NONO: variants seen among roughly 807,000 people sequenced by gnomAD.
NONO encodes non-POU domain containing octamer binding, also known as non-POU domain-containing octamer-binding protein.
Under a neutral mutation model 40.2 loss-of-function variants are expected in NONO, and 6 were observed. That is an observed-to-expected ratio of 0.15 (90% CI 0.08 to 0.29). The LOEUF (loss-of-function observed/expected upper bound fraction) is 0.29, where lower values mean the gene tolerates loss of function less well. NONO is among the 10% of genes least tolerant of loss of function. The pLI is 1.00. For missense variants in NONO, 133 were observed against 397.8 expected, an observed-to-expected ratio of 0.33 and a Z score of 5.66; for synonymous variants, 89 against 123.3, an observed-to-expected ratio of 0.72 and a Z score of 1.85.
At chrX:71,287,312 C>A (rs1340438125) in intron 2 of NONO, among the ~76,000 whole-genome samples, 3 of 110,980 alleles carry the variant, frequency 2.7e-5, no homozygotes, top group African/African-American at 9.9e-5. Context: ...AACTCCTGAC[C>A]TCAAGCAATC....
intron 4 of NONO, among the ~76,000 whole-genome samples, chrX:71,293,589 A>G (rs1475088046): frequency 9.1e-6 from 1 of 109,699 alleles, no homozygotes. Context: ...TCTCGAAAAA[A>G]AAAACTAAAA....
Position 71,290,614 on chromosome X carries a change from A to G in NONO, c.-9-15A>G, listed in dbSNP as rs746580281. 19 of 1,190,188 alleles carry G rather than the reference A, an allele frequency of 1.6e-5. No individual in the cohort carries two copies. The highest frequency in any genetic ancestry group is 2.0e-5 in the Non-Finnish European group (18 of 879,266). On this transcript the variant is annotated splice_polypyrimidine_tract_variant and intron_variant, in intron 2 of 11. Transcript: ENST00000276079. The stretch of plus-strand genomic sequence containing the variant: ...TAGTACTGAATTTATTTATTAGTCT[A>G]CTTTTTCTTTGTAGGGTGCAAAAAT...
At chrX:71,298,311 A>T (rs2031497441) in intron 9 of NONO, 158 bp from the exon 10 acceptor site, 6 of 517,267 alleles carry the variant, frequency 1.2e-5, no homozygotes, top group Non-Finnish European at 1.7e-5. Context: ...GTGACCTTGA[A>T]TTTGTTGCAC....
At chrX:71,287,007 G>A (rs1236709987) in intron 2 of NONO, among the ~76,000 whole-genome samples, 1 of 112,030 alleles carries the variant, frequency 8.9e-6, no homozygotes, top group Non-Finnish European at 1.9e-5. Flanking sequence ...AAGTATTCCC[G>A]TATACTCATC....
At chrX:71,286,384 GTC>G (rs1383933118) in intron 2 of NONO, among the ~76,000 whole-genome samples, 1 of 110,866 alleles carries the variant, frequency 9.0e-6, no homozygotes, top group Non-Finnish European at 1.9e-5. Flanking sequence ...TATATATATT[GTC>G]TCTCACTAGA....
chrX:71,298,606 A>G, intron 10 of NONO, 98 bp downstream of exon 10: 2 of 1,051,258 alleles, frequency 1.9e-6, no homozygotes, highest in South Asian at 1.9e-5. Flanking sequence ...GGTGACATAT[A>G]TGTCTTACTT....
At position 71,300,765 on chromosome X, in the gene NONO, C is replaced by T. The variant is rs12835817; in HGVS notation, c.*689C>T. 1 of 173,790 alleles carries T rather than the reference C, an allele frequency of 5.8e-6. No homozygotes were observed. The highest frequency in any genetic ancestry group is 1.1e-5 in the Non-Finnish European group (1 of 90,238). 14.3% of individuals were successfully genotyped at this position (173,790 alleles called of 1,213,427 possible). A position where few individuals can be genotyped will look rare whatever the true frequency, so the allele number is the denominator to read the frequency against. On this transcript the variant is annotated 3_prime_UTR_variant, in exon 12 of 12. Transcript: ENST00000276079. ...AAACGTCCACAAAGGTCACAGGCAG[C>T]GTACATACGGTTCTGTTATACCCCA...
In NONO at chrX:71,299,274, C is replaced by CGAG. The variant is rs1188386701; in HGVS notation, c.1281+458_1281+459insGAG. ...CAGATAATCTGCCCGCCTCGGTTTC[C>CGAG]CAAAGTGCTGGGATTACTGGCGTGA... On this transcript the variant is annotated intron_variant, in intron 11 of 11. Transcript: ENST00000276079. Among the ~76,000 whole-genome samples the CGAG allele has an allele frequency of 2.0e-3, 226 of 112,642 alleles. 4 individuals carry two copies. Among genetic ancestry groups the CGAG allele is most frequent in the Admixed American group, 0.017 (176 of 10,602 alleles).
chrX:71,294,575 T>A, intron 5 of NONO, 47 bp downstream of exon 5: 1 of 1,110,196 alleles, frequency 9.0e-7, no homozygotes, highest in Non-Finnish European at 1.2e-6. Context: ...TGCTAATTCC[T>A]TCCATGGTCT....
rs1447519220 is a variant in NONO, at chrX:71,288,140, T to TC, written c.-9-2488dup. On this transcript the variant is annotated intron_variant, in intron 2 of 11. Transcript: ENST00000276079. The stretch of plus-strand genomic sequence containing the variant: ...TTATCTTTTTTTTTTTTTTTTTTTT[T>TC]CTTGAGACAGGGTCTCATTCTCCCT... Among the ~76,000 whole-genome samples, 22 of 98,606 alleles carry TC rather than the reference T, an allele frequency of 2.2e-4. No individual in the cohort carries two copies. The South Asian group carries it at 9.4e-3, about 42-fold the overall frequency. 85.6% of individuals were successfully genotyped at this position (98,606 alleles called of 115,157 possible).
chrX:71,290,808 T>C lies in NONO; in HGVS notation c.154+17T>C. ...GCAGCCAAAGTGTGTATATGCTAGG[T>C]GATGGAGTAGAAATGGATTCCCTCT... On this transcript the variant is annotated intron_variant, in intron 3 of 11. Coordinates refer to ENST00000276079, the MANE Select transcript of NONO (RefSeq NM_007363.5). The C allele has an allele frequency of 8.9e-7, 1 of 1,119,851 alleles. No homozygotes were observed. Among genetic ancestry groups the C allele is most frequent in the Non-Finnish European group, 1.2e-6 (1 of 850,672 alleles). 92.3% of individuals were successfully genotyped at this position (1,119,851 alleles called of 1,213,427 possible). A position where few individuals can be genotyped will look rare whatever the true frequency, so the allele number is the denominator to read the frequency against.
At chrX:71,293,489 A>G (rs971042967) in intron 4 of NONO, among the ~76,000 whole-genome samples, 12 of 108,916 alleles carry the variant, frequency 1.1e-4, no homozygotes, top group Admixed American at 6.8e-4. Context: ...AGGCTGAGGC[A>G]GGAGAATCGC....
At position 71,291,761 on chromosome X, in the gene NONO, C is replaced by T; in HGVS notation, c.155-18C>T. The T allele has an allele frequency of 8.8e-7, 1 of 1,139,560 alleles. No individual in the cohort carries two copies. The allele number at this position is 1,139,560 out of a possible 1,213,427, so 93.9% of individuals were successfully genotyped here. On this transcript the variant is annotated intron_variant, in intron 3 of 11. Transcript: ENST00000276079. ...TCTATTTCCCCAGTCTTTTAAGTGA[C>T]TGTGTGTCTTCTCTCAGATGAAGGC...
chrX:71,285,179 G>C (rs1408909783), intron 2 of NONO: 2 of 112,133 alleles, frequency 1.8e-5, no homozygotes, highest in African/African-American at 6.5e-5. Flanking sequence ...GGCCTCTCCG[G>C]GGCCAGGGGA....
Position 71,297,866 on chromosome X carries a change from A to G in NONO, c.1059A>G (p.Glu353=). 1 of 1,209,453 alleles carries G rather than the reference A, an allele frequency of 8.3e-7. No individual in the cohort carries two copies. The highest frequency in any genetic ancestry group is 1.1e-6 in the Non-Finnish European group (1 of 893,885). ...RQEEERRRRE[E]EMRRQQEEMM... is the part of the protein sequence containing the mutation. Reference sequence around the variant, plus strand: ...AGGAAGAGCGCAGGCGCCGTGAAGAAGAGATGCGGCGGCAGCAAGAAGAAA... The same window carrying G: ...AGGAAGAGCGCAGGCGCCGTGAAGAGGAGATGCGGCGGCAGCAAGAAGAAA... Residue 353 remains glutamate, a synonymous_variant, in exon 9 of 12, where the codon GAA becomes GAG. Transcript: ENST00000276079.
intron 5 of NONO, among the ~76,000 whole-genome samples, chrX:71,294,955 C>G (rs1399611950): frequency 9.0e-6 from 1 of 111,371 alleles, no homozygotes; most frequent in African/African-American, 3.3e-5. Flanking sequence ...CAGCGGCTCA[C>G]GCCTGTAATC....
intron 4 of NONO, 48 bp from the exon 5 acceptor site, chrX:71,294,179 G>A (rs2031386784): frequency 8.7e-7 from 1 of 1,149,359 alleles, no homozygotes; most frequent in Non-Finnish European, 1.2e-6. Flanking sequence ...TGGCTGCTAA[G>A]GTGTTCTTTG....
chrX:71,288,062 C>G (rs1199790370), intron 2 of NONO, among the ~76,000 whole-genome samples: 1 of 65,029 alleles, frequency 1.5e-5, no homozygotes, highest in East Asian at 5.1e-4. Flanking sequence ...CACTTGTTTT[C>G]TTTTTAATCT....
intron 10 of NONO, 42 bp from the exon 11 acceptor site, chrX:71,298,665 A>G (rs1277230853): frequency 8.8e-7 from 1 of 1,142,124 alleles, no homozygotes; most frequent in Non-Finnish European, 1.2e-6. Flanking sequence ...AAAGAGACTA[A>G]CAATCTTTAT....
Sources: gnomAD v4.1 joint callset for allele counts (sites outside exome capture counted in the v4.1 genomes callset) on GRCh38, gnomAD v4.1.1 for gene constraint, MANE v1.5 for transcripts, NCBI Gene and HGNC (gene_info 2026-07-23, HGNC 2026-07-21) for gene names.